EHD4: variants seen among roughly 807,000 people sequenced by gnomAD.
EHD4 encodes the protein EH domain containing 4.
EHD4 carries 37 observed loss-of-function variants against 51.0 expected under a neutral mutation model. The observed-to-expected ratio is 0.73, with a 90% CI of 0.56 to 0.95. The LOEUF (loss-of-function observed/expected upper bound fraction) is 0.95, where lower values mean the gene tolerates loss of function less well. EHD4 is among the 40% of genes least tolerant of loss of function. EHD4 has a pLI of 0.00. For missense variants in EHD4, 632 were observed against 733.1 expected, an observed-to-expected ratio of 0.86 and a Z score of 1.59; for synonymous variants, 297 against 317.3, an observed-to-expected ratio of 0.94 and a Z score of 0.68.
At chr15:41,940,088 G>A (rs1382706477) in intron 3 of EHD4, among the ~76,000 whole-genome samples, 2 of 152,142 alleles carry the variant, frequency 1.3e-5, no homozygotes, top group Non-Finnish European at 2.9e-5. Context: ...CAAAGGGCTG[G>A]GATTATAGGC....
chr15:41,924,308 T>G (rs2067647029), intron 3 of EHD4, among the ~76,000 whole-genome samples: 1 of 152,226 alleles, frequency 6.6e-6, no homozygotes, highest in Non-Finnish European at 1.5e-5. Context: ...AATGTGGGCC[T>G]TGGACCCAGA....
At chr15:41,923,545 C>A (rs185811989) in intron 3 of EHD4, among the ~76,000 whole-genome samples, 54 of 152,328 alleles carry the variant, frequency 3.5e-4, no homozygotes, top group Admixed American at 2.5e-3. Context: ...GACTCCTAGG[C>A]CCCTCCCCAG....
chr15:41,940,461 G>C (rs2067762139), intron 3 of EHD4, among the ~76,000 whole-genome samples: 1 of 152,186 alleles, frequency 6.6e-6, no homozygotes, highest in Non-Finnish European at 1.5e-5. Flanking sequence ...TGCATTCTTT[G>C]GGGTTAGTGT....
At chr15:41,920,918 G>A (rs2140989279) in intron 3 of EHD4, among the ~76,000 whole-genome samples, 1 of 152,338 alleles carries the variant, frequency 6.6e-6, no homozygotes, top group East Asian at 1.9e-4. Context: ...CATCGATTGT[G>A]AGACCCTGGT....
chr15:41,949,920 T>C (rs2067841889), intron 2 of EHD4, among the ~76,000 whole-genome samples: 1 of 152,170 alleles, frequency 6.6e-6, no homozygotes, highest in Non-Finnish European at 1.5e-5. Flanking sequence ...CTGGGTGCCC[T>C]TGGCTGTCTC....
rs750224589 is a variant in EHD4 at position 41,909,772 on chromosome 15, G to A, written c.1016C>T (p.Pro339Leu). 43 of 1,614,050 alleles carry A rather than the reference G, an allele frequency of 2.7e-5. No individual in the cohort carries two copies. The highest frequency in any genetic ancestry group is 3.4e-5 in the Non-Finnish European group (40 of 1,180,044). ...TCGCTGTAGCTGAATGTAGATTTCC[G>A]GTAGCCTGCTGATAAGCTCTCTCTT... The part of the protein sequence containing the change: ...NKKRELISRL[P>L]EIYIQLQREY... The change falls in exon 5 of 6, where the codon CCG (proline) becomes CTG (leucine). Residue 339 changes from proline to leucine, a missense_variant. Transcript: ENST00000220325.
At chr15:41,940,820 C>A (rs118027554) in intron 3 of EHD4, among the ~76,000 whole-genome samples, 21 of 152,138 alleles carry the variant, frequency 1.4e-4, no homozygotes, top group Non-Finnish European at 2.5e-4. Flanking sequence ...TTGAAAGACA[C>A]GATTACTAAG....
chr15:41,924,308 T>C (rs2067647029), intron 3 of EHD4, among the ~76,000 whole-genome samples: 1 of 152,226 alleles, frequency 6.6e-6, no homozygotes, highest in Admixed American at 6.5e-5. Context: ...AATGTGGGCC[T>C]TGGACCCAGA....
Position 41,898,433 on chromosome 15 carries a change from A to G in EHD4, c.*2212T>C, listed in dbSNP as rs2067453972. On this transcript the variant is annotated 3_prime_UTR_variant, in exon 6 of 6. Coordinates refer to ENST00000220325, the MANE Select transcript of EHD4 (RefSeq NM_139265.4). The stretch of plus-strand genomic sequence containing the variant: ...CAATTGAGGAGAGTTAAAGAACAAG[A>G]TAATTCTGGATGGAAAAATCAGTTT... The G allele has an allele frequency of 6.6e-6, 1 of 152,390 alleles. No individual in the cohort carries two copies. Among genetic ancestry groups the G allele is most frequent in the South Asian group, 2.1e-4 (1 of 4,832 alleles). 9.4% of individuals were successfully genotyped at this position (152,390 alleles called of 1,614,324 possible). A position where few individuals can be genotyped will look rare whatever the true frequency, so the allele number is the denominator to read the frequency against.
At chr15:41,931,537 T>C (rs1460072478) in intron 3 of EHD4, among the ~76,000 whole-genome samples, 1 of 152,062 alleles carries the variant, frequency 6.6e-6, no homozygotes, top group Non-Finnish European at 1.5e-5. Context: ...AAACATAAAA[T>C]AAAGTAAAAT....
intron 1 of EHD4, among the ~76,000 whole-genome samples, chr15:41,961,826 T>C (rs896076342): frequency 3.3e-5 from 5 of 152,156 alleles, no homozygotes; most frequent in Admixed American, 6.5e-5. Context: ...CCTGGTATTA[T>C]GAAATATGGA....
intron 1 of EHD4, among the ~76,000 whole-genome samples, chr15:41,955,631 T>C (rs2067882498): frequency 6.6e-6 from 1 of 152,238 alleles, no homozygotes; most frequent in Non-Finnish European, 1.5e-5. Flanking sequence ...TTTTAAAATA[T>C]CTTCAAGAGT....
intron 4 of EHD4, among the ~76,000 whole-genome samples, chr15:41,916,775 G>T (rs528750717): frequency 1.3e-5 from 2 of 152,334 alleles, no homozygotes; most frequent in East Asian, 3.9e-4. Flanking sequence ...CTGCCCACGA[G>T]CAACTGGCAC....
At chr15:41,913,524 T>C (rs1223505823) in intron 4 of EHD4, among the ~76,000 whole-genome samples, 1 of 152,196 alleles carries the variant, frequency 6.6e-6, no homozygotes, top group African/African-American at 2.4e-5. Context: ...CTCAGCGTGC[T>C]CATCCACAAA....
At chr15:41,937,871 A>T (rs753819822) in intron 3 of EHD4, among the ~76,000 whole-genome samples, 19 of 152,164 alleles carry the variant, frequency 1.2e-4, no homozygotes, top group Non-Finnish European at 2.6e-4. Flanking sequence ...TGGGTTGAGT[A>T]AACCTTATCC....
At chr15:41,954,018 A>G (rs924032421) in intron 1 of EHD4, 78 bp from the exon 2 acceptor site, 3 of 1,446,106 alleles carry the variant, frequency 2.1e-6, no homozygotes, top group Admixed American at 2.1e-5. Flanking sequence ...GGGATTACCA[A>G]TTTTTTTACA....
At chr15:41,919,750 T>G in intron 3 of EHD4, 128 bp from the exon 4 acceptor site, 3 of 883,574 alleles carry the variant, frequency 3.4e-6, no homozygotes, top group Non-Finnish European at 4.6e-6. Flanking sequence ...CTGGAGGCAG[T>G]GGAGGCCTGG....
chr15:41,902,179 C>T (rs2067481898), intron 5 of EHD4, among the ~76,000 whole-genome samples: 1 of 152,074 alleles, frequency 6.6e-6, no homozygotes, highest in African/African-American at 2.4e-5. Context: ...TACAGGATGC[C>T]ACAGAGGCTC....
Position 41,897,706 on chromosome 15 carries a change from T to C in EHD4, c.*2939A>G, listed in dbSNP as rs117990941. On this transcript the variant is annotated 3_prime_UTR_variant, in exon 6 of 6. Coordinates refer to ENST00000220325, the MANE Select transcript of EHD4 (RefSeq NM_139265.4). ...AGGCTGACAACTTGGAAGCAGACTG[T>C]GGGAGCAATAGGCTGGAGTTTTCAT... The C allele has an allele frequency of 0.011, 1,652 of 152,362 alleles. 22 individuals carry two copies. Among genetic ancestry groups the C allele is most frequent in the Non-Finnish European group, 0.016 (1,100 of 68,060 alleles). 9.4% of individuals were successfully genotyped at this position (152,362 alleles called of 1,614,324 possible). A position where few individuals can be genotyped will look rare whatever the true frequency, so the allele number is the denominator to read the frequency against.
Sources: gnomAD v4.1 joint callset for allele counts (sites outside exome capture counted in the v4.1 genomes callset) on GRCh38, gnomAD v4.1.1 for gene constraint, MANE v1.5 for transcripts, NCBI Gene and HGNC (gene_info 2026-07-23, HGNC 2026-07-21) for gene names.